Variants in EIF5B observed in about 807,000 individuals in gnomAD.
The protein encoded by EIF5B is eIF-5B.
In EIF5B, 47 loss-of-function variants were observed where a neutral mutation model predicts 147.5. The ratio of observed to expected loss-of-function variants is 0.32; its 90% CI spans 0.25 to 0.41. The LOEUF is 0.41. Among genes scored for constraint, EIF5B ranks in the 10% least tolerant of loss-of-function variants. The pLI, the probability that EIF5B is intolerant of heterozygous loss-of-function variation, is 1.00. For synonymous variants in EIF5B, 455 were observed against 456.2 expected, an observed-to-expected ratio of 1.00 and a Z score of 0.03; for missense variants, 1,064 against 1,413.2, an observed-to-expected ratio of 0.75 and a Z score of 3.96.
At chr2:99,344,825 CAT>C (rs1466981132) in intron 1 of EIF5B, among the ~76,000 whole-genome samples, 8 of 152,286 alleles carry the variant, frequency 5.3e-5, no homozygotes, top group African/African-American at 7.2e-5. Context: ...AATGAACAAA[CAT>C]GTGTCCATCA....
chr2:99,395,688 A>C (rs759257216), intron 21 of EIF5B, among the ~76,000 whole-genome samples: 18 of 152,044 alleles, frequency 1.2e-4, no homozygotes, highest in Non-Finnish European at 2.2e-4. Context: ...GTGCTGAAAA[A>C]CCAAATAAAG....
Position 99,376,382 on chromosome 2 carries a change from A to G in EIF5B, c.1588A>G (p.Asn530Asp). Residue 530 changes from asparagine (N) to aspartate (D), a missense_variant, in exon 10 of 24, where the codon AAC becomes GAC. Asn to Asp is a conservative substitution (Grantham distance 23, BLOSUM62 1). Around this residue, in one of 4 missense-constraint regions of EIF5B, gnomAD observed 195 missense variants for 186.3 expected, o/e 1.05. Coordinates refer to ENST00000289371, the MANE Select transcript of EIF5B (RefSeq NM_015904.4). ...GNKVHIEVKE[N>D]PEEEEEEEEE... ...CAAAGTTCATATAGAAGTAAAAGAAAACCCTGAAGAGGAGGAGGAGGAGGA... is the reference window on the plus strand; with the variant it reads ...CAAAGTTCATATAGAAGTAAAAGAAGACCCTGAAGAGGAGGAGGAGGAGGA... The G allele has an allele frequency of 6.6e-7, 1 of 1,507,512 alleles. No homozygotes were observed. Among genetic ancestry groups the G allele is most frequent in the Non-Finnish European group, 9.1e-7 (1 of 1,102,916 alleles). The allele number at this position is 1,507,512 out of a possible 1,614,324, so 93.4% of individuals were successfully genotyped here. A position where few individuals can be genotyped will look rare whatever the true frequency, so the allele number is the denominator to read the frequency against.
intron 19 of EIF5B, 38 bp downstream of exon 19, chr2:99,394,436 T>G (rs1312267360): frequency 2.5e-6 from 4 of 1,613,196 alleles, no homozygotes; most frequent in Admixed American, 1.7e-5. Flanking sequence ...TGAATGGTGG[T>G]TGGTCGTGGT....
chr2:99,337,438 C>T lies in EIF5B; in HGVS notation c.-117C>T. 8 of 1,332,598 alleles carry T rather than the reference C, an allele frequency of 6.0e-6. No individual in the cohort carries two copies. The highest frequency in any genetic ancestry group is 3.8e-5 in the South Asian group (3 of 79,764). 82.5% of individuals were successfully genotyped at this position (1,332,598 alleles called of 1,614,324 possible). The stretch of plus-strand genomic sequence containing the variant: ...GCGCGGGTCTGTGGAGAGCCGGGTG[C>T]GAGCGGCGGCAGCACGAGGGGAAAA... On this transcript the variant is annotated 5_prime_UTR_variant, in exon 1 of 24. It introduces an in-frame stop codon into an upstream open reading frame of the 5' UTR. Coordinates refer to ENST00000289371, the MANE Select transcript of EIF5B (RefSeq NM_015904.4).
intron 1 of EIF5B, among the ~76,000 whole-genome samples, chr2:99,355,229 C>T (rs1327993741): frequency 3.9e-5 from 6 of 152,196 alleles, no homozygotes; most frequent in Non-Finnish European, 8.8e-5. Context: ...TGATTCCTCA[C>T]ATTTTAGTCT....
intron 4 of EIF5B, among the ~76,000 whole-genome samples, chr2:99,362,255 A>G (rs1674231453): frequency 6.6e-6 from 1 of 152,130 alleles, no homozygotes; most frequent in Non-Finnish European, 1.5e-5. Context: ...TTCACTTAAA[A>G]CTCAACATGC....
At chr2:99,395,964 T>C (rs1000631097) in intron 21 of EIF5B, among the ~76,000 whole-genome samples, 1 of 152,168 alleles carries the variant, frequency 6.6e-6, no homozygotes, top group South Asian at 2.1e-4. Context: ...AGGCTGTGTG[T>C]TCACAATCAG....
Position 99,364,373 on chromosome 2 carries a change from G to C in EIF5B, c.1240G>C (p.Glu414Gln). ...GAAACTTTTAACTAAATCCCAGAGA[G>C]AAGCCAGAGCCAGAGCCGAAGCTAC... ...EGKLLTKSQR[E>Q]ARARAEATLK... The change falls in exon 6 of 24, where the codon GAA (glutamate) becomes CAA (glutamine). Residue 414 changes from glutamate (E) to glutamine (Q), a missense_variant. Physicochemically the swap from Glu to Gln is conservative, Grantham distance 29 (BLOSUM62 2). Around this residue, in one of 4 missense-constraint regions of EIF5B, gnomAD observed 31 missense variants for 60.1 expected, o/e 0.52. Coordinates refer to ENST00000289371, the MANE Select transcript of EIF5B (RefSeq NM_015904.4). 6.2e-7 allele frequency: 1 copy of C among 1,610,674 alleles called. No homozygotes were observed. The highest frequency in any genetic ancestry group is 8.5e-7 in the Non-Finnish European group (1 of 1,179,232).
At chr2:99,349,340 G>C (rs1239489348) in intron 1 of EIF5B, among the ~76,000 whole-genome samples, 1 of 152,212 alleles carries the variant, frequency 6.6e-6, no homozygotes, top group Non-Finnish European at 1.5e-5. Context: ...TGAATTTCCT[G>C]TGTTTCTTGT....
intron 23 of EIF5B, 171 bp from the exon 24 acceptor site, chr2:99,399,136 G>A (rs994384819): frequency 2.6e-6 from 2 of 771,500 alleles, no homozygotes; most frequent in Admixed American, 2.9e-5. Context: ...CCTCGTGCCT[G>A]ACATGCAAAC....
chr2:99,337,698 C>CG, intron 1 of EIF5B, 109 bp downstream of exon 1: 2 of 1,375,762 alleles, frequency 1.5e-6, no homozygotes, highest in South Asian at 1.4e-5. Flanking sequence ...ATGAGCTTCG[C>CG]GGGGTACCAG....
Position 99,361,159 on chromosome 2 carries a change from C to G in EIF5B, c.258C>G (p.Asn86Lys), listed in dbSNP as rs1244594046. 2 of 1,492,644 alleles carry G rather than the reference C, an allele frequency of 1.3e-6. No individual in the cohort carries two copies. Among genetic ancestry groups the G allele is most frequent in the African/African-American group, 2.9e-5 (2 of 69,424 alleles). The allele number at this position is 1,492,644 out of a possible 1,614,324, so 92.5% of individuals were successfully genotyped here. Residue 86 changes from asparagine (N) to lysine (K), a missense_variant, in exon 4 of 24, where the codon AAC (asparagine) becomes AAG (lysine). Physicochemically the swap from Asn to Lys is moderately conservative, Grantham distance 94 (BLOSUM62 0). Transcript: ENST00000289371. Reference protein sequence around the residue: ...RETVAVKPTENNEEEFTSKDK... With the variant: ...RETVAVKPTEKNEEEFTSKDK... ...TGGAAATTTTTTAGCCAACAGAAAACAATGAAGAGGAATTCACCTCAAAAG... is the reference window on the plus strand; with the variant it reads ...TGGAAATTTTTTAGCCAACAGAAAAGAATGAAGAGGAATTCACCTCAAAAG...
chr2:99,387,485 C>G (rs893756655), intron 14 of EIF5B, among the ~76,000 whole-genome samples: 2 of 152,114 alleles, frequency 1.3e-5, no homozygotes, highest in Admixed American at 6.5e-5. Flanking sequence ...TATGTCTGTT[C>G]CTAGAATTTA....
chr2:99,357,551 A>G (rs895855309), intron 1 of EIF5B, among the ~76,000 whole-genome samples: 2 of 152,244 alleles, frequency 1.3e-5, no homozygotes, highest in African/African-American at 4.8e-5. Context: ...CAGACTTAAT[A>G]ATGTACAAAT....
intron 8 of EIF5B, among the ~76,000 whole-genome samples, chr2:99,371,443 A>C (rs527976832): frequency 6.6e-6 from 1 of 150,710 alleles, no homozygotes; most frequent in Non-Finnish European, 1.5e-5. Context: ...AGCCGAGATC[A>C]CGCCACCGCA....
Position 99,376,434 on chromosome 2 carries a change from G to C in EIF5B, c.1640G>C (p.Ser547Thr), listed in dbSNP as rs1387951744. ...GAAGAGGAAGAAGAAGATGAAGAAAGTGAAGAAGAGGAGGAAGAGGAGGGA... is the reference window on the plus strand; with the variant it reads ...GAAGAGGAAGAAGAAGATGAAGAAACTGAAGAAGAGGAGGAAGAGGAGGGA... The part of the protein sequence containing the change: ...EEEEEEEDEE[S>T]EEEEEEEGES... Residue 547 changes from serine to threonine, a missense_variant, in exon 10 of 24, where the codon AGT becomes ACT. Around this residue, in one of 4 missense-constraint regions of EIF5B, gnomAD observed 195 missense variants for 186.3 expected, o/e 1.05. Transcript: ENST00000289371. The C allele has an allele frequency of 6.3e-7, 1 of 1,583,092 alleles. No homozygotes were observed. Among genetic ancestry groups the C allele is most frequent in the Non-Finnish European group, 8.7e-7 (1 of 1,153,682 alleles).
intron 7 of EIF5B, 128 bp downstream of exon 7, chr2:99,368,719 CTT>C: frequency 1.5e-6 from 1 of 666,984 alleles, no homozygotes; most frequent in Non-Finnish European, 2.6e-6. Context: ...ATTTTCTAAA[CTT>C]ATTTCTTATT....
chr2:99,338,412 T>C (rs1237010796), intron 1 of EIF5B: 1 of 1,117,596 alleles, frequency 8.9e-7, no homozygotes, highest in Non-Finnish European at 1.2e-6. Context: ...ACAACATCTG[T>C]TACATTACAC....
intron 14 of EIF5B, among the ~76,000 whole-genome samples, chr2:99,388,148 C>A (rs978702547): frequency 6.6e-6 from 1 of 152,100 alleles, no homozygotes; most frequent in African/African-American, 2.4e-5. Context: ...ATCTTGTGAC[C>A]TTGTTAAATT....
Sources: allele counts gnomAD v4.1 joint callset (sites outside exome capture counted in the v4.1 genomes callset), GRCh38; gene constraint gnomAD v4.1.1; regional missense constraint gnomAD v4.1.1; transcripts MANE v1.5; gene names NCBI Gene and HGNC (gene_info 2026-07-23, HGNC 2026-07-21).